The following LRRC34 variants were observed in gnomAD, a reference collection of about 807,000 sequenced individuals.
The protein encoded by LRRC34 is leucine rich repeat containing 34.
Under a neutral mutation model 48.5 loss-of-function variants are expected in LRRC34, and 44 were observed. The observed-to-expected ratio is 0.91, with a 90% confidence interval of 0.71 to 1.17. The LOEUF (loss-of-function observed/expected upper bound fraction) is 1.17, where lower values mean the gene tolerates loss of function less well. LRRC34 is among the 50% of genes most tolerant of loss of function. The pLI is 0.00. For missense variants in LRRC34, 502 were observed against 563.0 expected (o/e 0.89, Z 1.10); for synonymous variants, 192 against 197.6 (o/e 0.97, Z 0.24).
At position 169,812,749 on chromosome 3, in the gene LRRC34, C is replaced by T. The variant is rs959490550; in HGVS notation, c.-201G>A. 4.8e-5 allele frequency: 33 copies of T among 694,618 alleles called. No individual in the cohort carries two copies. The highest frequency in any genetic ancestry group is 7.0e-5 in the Non-Finnish European group (32 of 460,092). The allele number at this position is 694,618 out of a possible 1,614,324, so 43.0% of individuals were successfully genotyped here. A position where few individuals can be genotyped will look rare whatever the true frequency, so the allele number is the denominator to read the frequency against. ...CAGCCTGAGGGAGGGCGTCCTGGCTCCTTTGCAGGGAGGAGTTCCCGAGGT... is the reference window on the plus strand; with the variant it reads ...CAGCCTGAGGGAGGGCGTCCTGGCTTCTTTGCAGGGAGGAGTTCCCGAGGT... On this transcript the variant is annotated 5_prime_UTR_variant, in exon 1 of 11. Coordinates refer to ENST00000446859, the MANE Select transcript of LRRC34 (RefSeq NM_001172779.2). This position sits in a 1 kb window ranked among gnomAD's most constrained non-coding sequence, Gnocchi z 4.3.
rs267599687 is a variant in LRRC34 at position 169,808,641 on chromosome 3, C to T, written c.244G>A (p.Glu82Lys). Residue 82 changes from glutamate (E) to lysine (K), a missense_variant, in exon 2 of 11, where the codon GAA (glutamate) becomes AAA (lysine). By Grantham distance (56) the Glu-to-Lys change is moderately conservative. Coordinates refer to ENST00000446859, the MANE Select transcript of LRRC34 (RefSeq NM_001172779.2). The part of the protein sequence containing the change: ...ILHILQEVDE[E>K]IKKGLAAGIT... ...TGTCTTTCTTACCCCTTTTTAATTT[C>T]TTCATCCACTTCTTGGAGTATATGC... 6.6e-7 allele frequency: 1 copy of T among 1,504,006 alleles called. No homozygotes were observed. Among genetic ancestry groups the T allele is most frequent in the Non-Finnish European group, 9.2e-7 (1 of 1,090,962 alleles). The allele number at this position is 1,504,006 out of a possible 1,614,324, so 93.2% of individuals were successfully genotyped here.
intron 10 of LRRC34, chr3:169,794,191 AG>A (rs1778900694): frequency 5.2e-6 from 1 of 191,344 alleles, no homozygotes; most frequent in South Asian, 9.5e-5. Context: ...AAATTGGAAT[AG>A]GTAGGGGGGC....
chr3:169,810,320 T>C (rs796398967), intron 1 of LRRC34, among the ~76,000 whole-genome samples: 26 of 152,330 alleles, frequency 1.7e-4, no homozygotes, highest in African/African-American at 6.3e-4. Context: ...GGTCTAGGCA[T>C]ACATACTTCC....
At position 169,801,665 on chromosome 3, in the gene LRRC34, A is replaced by G. The variant is rs374685636; in HGVS notation, c.658-911T>C. 2.2e-4 allele frequency among the ~76,000 whole-genome samples: 33 copies of G among 152,158 alleles called. No individual in the cohort carries two copies. In the East Asian group the frequency reaches 3.5e-3, roughly 16 times the overall value. Reference sequence around the variant, plus strand: ...GGCCTCCATAAGCTTCTCTACTTTTACTTCAAGGCACTCTTAACTTTGTCT... The same window carrying G: ...GGCCTCCATAAGCTTCTCTACTTTTGCTTCAAGGCACTCTTAACTTTGTCT... On this transcript the variant is annotated intron_variant, in intron 6 of 10. Transcript: ENST00000446859.
In LRRC34 at chr3:169,812,196, G is replaced by A. The variant is rs1779607949; in HGVS notation, c.139+214C>T. Among the ~76,000 whole-genome samples the A allele has an allele frequency of 6.6e-6, 1 of 150,882 alleles. No individual in the cohort carries two copies. The highest frequency in any genetic ancestry group is 1.5e-5 in the Non-Finnish European group (1 of 67,814). On this transcript the variant is annotated intron_variant, in intron 1 of 10. Transcript: ENST00000446859. The surrounding 1 kb of genome is among the most constrained non-coding windows in gnomAD (Gnocchi z 4.3). Reference sequence around the variant, plus strand: ...ACTCCTCTCCGTGGACTCCTCTCCTGCCCCCGGTCGCAAAGGGCGACCGGG... The same window carrying A: ...ACTCCTCTCCGTGGACTCCTCTCCTACCCCCGGTCGCAAAGGGCGACCGGG...
chr3:169,808,289 G>A (rs1779449996), intron 2 of LRRC34, among the ~76,000 whole-genome samples: 1 of 150,250 alleles, frequency 6.7e-6, no homozygotes, highest in African/African-American at 2.5e-5. Context: ...ACTCTAGCCT[G>A]GGCGACAGAG....
intron 1 of LRRC34, among the ~76,000 whole-genome samples, chr3:169,811,922 G>A (rs1779590060): frequency 1.3e-5 from 2 of 152,138 alleles, no homozygotes; most frequent in South Asian, 2.1e-4. Flanking sequence ...GCGGGTAGGG[G>A]GTGGCCGTTC....
chr3:169,808,315 G>GAAA (rs796111859), intron 2 of LRRC34, among the ~76,000 whole-genome samples: 5 of 52,856 alleles, frequency 9.5e-5, no homozygotes, highest in South Asian at 6.6e-4. Context: ...CACCATCTCA[G>GAAA]AAAAAAAAAA....
Position 169,793,708 on chromosome 3 carries a change from G to C in LRRC34, c.1322C>G (p.Ser441Ter), listed in dbSNP as rs1778877562. Residue 441 changes from serine (S) to a stop codon, truncating the protein, a stop_gained, in exon 11 of 11, where the codon TCA becomes TGA. Coordinates refer to ENST00000446859, the MANE Select transcript of LRRC34 (RefSeq NM_001172779.2). LOFTEE classifies it low-confidence loss of function (END_TRUNC). ...NGLKKHYYWT[S>*]TYGESYDHSS... ...GTGGTCATAAGATTCTCCATAAGTTGATGTCCAATAATAATGCTTTTTAAG... is the reference window on the plus strand; with the variant it reads ...GTGGTCATAAGATTCTCCATAAGTTCATGTCCAATAATAATGCTTTTTAAG... 3.1e-6 allele frequency: 5 copies of C among 1,613,610 alleles called. No homozygotes were observed. Among genetic ancestry groups the C allele is most frequent in the African/African-American group, 1.3e-5 (1 of 74,890 alleles).
intron 1 of LRRC34, among the ~76,000 whole-genome samples, chr3:169,810,406 GTT>G (rs1001248304): frequency 3.3e-5 from 5 of 151,934 alleles, no homozygotes; most frequent in African/African-American, 1.2e-4. Context: ...TTTATATGCT[GTT>G]TTTTAAATTA....
In LRRC34 at chr3:169,807,471, G is replaced by A. The variant is rs1453027190; in HGVS notation, c.399C>T (p.Asn133=). The A allele has an allele frequency of 1.2e-6, 2 of 1,613,904 alleles. No homozygotes were observed. The highest frequency in any genetic ancestry group is 1.7e-6 in the Non-Finnish European group (2 of 1,179,922). Reference sequence around the variant, plus strand: ...AGTATGCACCAACATCACATAGAAGGTTATATCCAACATCCAAACCTGAAG... The same window carrying A: ...AGTATGCACCAACATCACATAGAAGATTATATCCAACATCCAAACCTGAAG... ...LYINGLDVGY[N]LLCDVGAYYA... The change falls in exon 4 of 11, where the codon AAC becomes AAT. Residue 133 remains asparagine, a synonymous_variant. Transcript: ENST00000446859.
chr3:169,800,694 T>C lies in LRRC34; in HGVS notation c.718A>G (p.Ile240Val). ...VLTQNQAIKA[I>V]NLNRPILYSE... ...TACAGTATAGGTCGGTTTAGGTTTA[T>C]TGCCTTAATTGCTTGGTTTTGAGTT... Residue 240 changes from isoleucine to valine, a missense_variant, in exon 7 of 11, where the codon ATA (isoleucine) becomes GTA (valine). Transcript: ENST00000446859. 1 of 1,535,284 alleles carries C rather than the reference T, an allele frequency of 6.5e-7. No homozygotes were observed. Among genetic ancestry groups the C allele is most frequent in the Non-Finnish European group, 8.7e-7 (1 of 1,146,674 alleles).
chr3:169,802,360 A>T (rs1006380477), intron 6 of LRRC34, among the ~76,000 whole-genome samples: 2 of 152,156 alleles, frequency 1.3e-5, no homozygotes, highest in Non-Finnish European at 2.9e-5. Flanking sequence ...GAAGGTTCTG[A>T]CATGGACACT....
At chr3:169,804,487 A>G (rs1198971318) in intron 5 of LRRC34, among the ~76,000 whole-genome samples, 1 of 152,166 alleles carries the variant, frequency 6.6e-6, no homozygotes, top group African/African-American at 2.4e-5. Context: ...TTTGGTAGAC[A>G]TGGGGTTTCA....
In LRRC34 at chr3:169,812,203, G is replaced by C. The variant is rs1779609462; in HGVS notation, c.139+207C>G. ...TCCGTGGACTCCTCTCCTGCCCCCG[G>C]TCGCAAAGGGCGACCGGGGACTCTT... On this transcript the variant is annotated intron_variant, in intron 1 of 10. Transcript: ENST00000446859. The surrounding 1 kb of genome is among the most constrained non-coding windows in gnomAD (Gnocchi z 4.3). 6.6e-6 allele frequency among the ~76,000 whole-genome samples: 1 copy of C among 151,148 alleles called. No homozygotes were observed. Among genetic ancestry groups the C allele is most frequent in the Non-Finnish European group, 1.5e-5 (1 of 67,744 alleles).
At position 169,793,119 on chromosome 3, in the gene LRRC34, G is replaced by A. The variant is rs1364457870; in HGVS notation, c.*516C>T. ...GAGAGTGGGAGAGCTGGCAGCACTG[G>A]CTTGTTGGGAAAGGGGTATGTATAT... is the stretch of plus-strand genomic sequence containing the variant. On this transcript the variant is annotated 3_prime_UTR_variant, in exon 11 of 11. Coordinates refer to ENST00000446859, the MANE Select transcript of LRRC34 (RefSeq NM_001172779.2). 1.3e-5 allele frequency among the ~76,000 whole-genome samples: 2 copies of A among 152,144 alleles called. No individual in the cohort carries two copies. Among genetic ancestry groups the A allele is most frequent in the African/African-American group, 4.8e-5 (2 of 41,410 alleles).
chr3:169,795,256 GA>G, intron 10 of LRRC34: 1 of 261,334 alleles, frequency 3.8e-6, no homozygotes, highest in Non-Finnish European at 7.0e-6. Flanking sequence ...AACCTTAGAG[GA>G]ATTAGAACTG....
Position 169,806,890 on chromosome 3 carries a change from A to G in LRRC34, c.486T>C (p.Asp162=). 1 of 1,607,424 alleles carries G rather than the reference A, an allele frequency of 6.2e-7. No individual in the cohort carries two copies. Among genetic ancestry groups the G allele is most frequent in the Non-Finnish European group, 8.5e-7 (1 of 1,174,660 alleles). ...NLIYLNLMFN[D]IGPEGGELIA... ...TCAATTCTCCACCTTCGGGCCCAAT[A>G]TCATTAAACATGAGGTTTAAGTAAA... The change falls in exon 5 of 11, where the codon GAT becomes GAC. Residue 162 remains aspartate (D), a synonymous_variant. Coordinates refer to ENST00000446859, the MANE Select transcript of LRRC34 (RefSeq NM_001172779.2).
At chr3:169,801,442 G>T (rs1779188452) in intron 6 of LRRC34, among the ~76,000 whole-genome samples, 1 of 152,166 alleles carries the variant, frequency 6.6e-6, no homozygotes, top group Admixed American at 6.5e-5. Context: ...GGACTACTAA[G>T]TGGTCAGATG....
Sources: gnomAD v4.1 joint callset for allele counts (sites outside exome capture counted in the v4.1 genomes callset) on GRCh38, gnomAD v4.1.1 for gene constraint, Gnocchi (gnomAD v3.1) non-coding constraint, MANE v1.5 for transcripts, NCBI Gene and HGNC (gene_info 2026-07-23, HGNC 2026-07-21) for gene names.